DSG1: variants seen among roughly 807,000 people sequenced by gnomAD.
DSG1 encodes desmoglein-1.
In DSG1, 39 loss-of-function variants were observed where a neutral mutation model predicts 97.5. The ratio of observed to expected loss-of-function variants is 0.40; its 90% CI spans 0.31 to 0.52. DSG1 has a LOEUF of 0.52. Among genes scored for constraint, DSG1 ranks in the 20% least tolerant of loss-of-function variants. DSG1 has a pLI of 0.53. For missense variants in DSG1, 1,311 were observed against 1,295.4 expected, an observed-to-expected ratio of 1.01 and a Z score of -0.18; for synonymous variants, 475 against 443.4, an observed-to-expected ratio of 1.07 and a Z score of -0.90.
At chr18:31,351,929 C>A (rs1421574344) in intron 14 of DSG1, among the ~76,000 whole-genome samples, 1 of 151,232 alleles carries the variant, frequency 6.6e-6, no homozygotes, top group African/African-American at 2.4e-5. Context: ...ATCCAATTTG[C>A]CAGTCTGTGT....
At position 31,339,388 on chromosome 18, in the gene DSG1, T is replaced by C. The variant is rs190160689; in HGVS notation, c.1406-356T>C. ...GGACAAAAGATCATTTTTAAAAATA[T>C]CAGCAGGTGTCGTCCTTGGGTGCTG... On this transcript the variant is annotated intron_variant, in intron 10 of 14. Coordinates refer to ENST00000257192, the MANE Select transcript of DSG1 (RefSeq NM_001942.4). Among the ~76,000 whole-genome samples, 250 of 152,192 alleles carry C rather than the reference T, an allele frequency of 1.6e-3. 2 individuals carry two copies. Among genetic ancestry groups the C allele is most frequent in the Non-Finnish European group, 3.0e-3 (206 of 67,960 alleles).
chr18:31,347,898 C>T (rs914706665), intron 14 of DSG1: 1 of 151,266 alleles, frequency 6.6e-6, no homozygotes, highest in South Asian at 2.1e-4. Flanking sequence ...CAAAACAACA[C>T]ATTTTTATGT....
chr18:31,328,462 T>C lies in DSG1; in HGVS notation c.372+118T>C, dbSNP rs2071700362. The C allele has an allele frequency of 4.4e-5, 46 of 1,043,516 alleles. No individual in the cohort carries two copies. In the South Asian group the frequency reaches 6.2e-4, roughly 14 times the overall value. 64.6% of individuals were successfully genotyped at this position (1,043,516 alleles called of 1,614,324 possible). A position where few individuals can be genotyped will look rare whatever the true frequency, so the allele number is the denominator to read the frequency against. On this transcript the variant is annotated intron_variant, in intron 4 of 14. Coordinates refer to ENST00000257192, the MANE Select transcript of DSG1 (RefSeq NM_001942.4). ...CTCAATATTTGGCATTTTTGGTTGT[T>C]TCTTAATTCACGAGCATCCCACGAC...
At chr18:31,351,774 A>C (rs2071898714) in intron 14 of DSG1, among the ~76,000 whole-genome samples, 1 of 151,608 alleles carries the variant, frequency 6.6e-6, no homozygotes, top group Non-Finnish European at 1.5e-5. Flanking sequence ...CTGTTTTATC[A>C]GAGACTAGGA....
chr18:31,342,419 T>G (rs2071795826), intron 11 of DSG1, among the ~76,000 whole-genome samples: 1 of 152,128 alleles, frequency 6.6e-6, no homozygotes, highest in African/African-American at 2.4e-5. Flanking sequence ...CTCTCCCTTA[T>G]GTCTATCCTT....
chr18:31,325,361 G>A (rs559442490), intron 1 of DSG1, among the ~76,000 whole-genome samples: 1 of 152,310 alleles, frequency 6.6e-6, no homozygotes, highest in South Asian at 2.1e-4. Flanking sequence ...CGCAATAACA[G>A]ATAACAGATC....
At position 31,354,896 on chromosome 18, in the gene DSG1, A is replaced by C. The variant is rs1233909504; in HGVS notation, c.2700A>C (p.Ala900=). The C allele has an allele frequency of 6.2e-7, 1 of 1,614,208 alleles. No individual in the cohort carries two copies. The highest frequency in any genetic ancestry group is 1.7e-5 in the Admixed American group (1 of 60,024). ...SNVIVTERVI[A]PSSSLPTSLT... is the part of the protein sequence containing the mutation. ...TTATAGTGACAGAAAGGGTAATAGC[A>C]CCAAGCTCTAGTCTACCCACCTCTC... Residue 900 remains alanine, a synonymous_variant, in exon 15 of 15, where the codon GCA becomes GCC. Coordinates refer to ENST00000257192, the MANE Select transcript of DSG1 (RefSeq NM_001942.4).
Position 31,343,956 on chromosome 18 carries a change from C to T in DSG1, c.1852C>T (p.Pro618Ser). The change falls in exon 13 of 15, where the codon CCT becomes TCT. Residue 618 changes from proline (P) to serine (S), a missense_variant. By Grantham distance (74) the Pro-to-Ser change is moderately conservative (BLOSUM62 -1). Around this residue, in one of 3 missense-constraint regions of DSG1, gnomAD observed 1,038 missense variants for 964.6 expected, o/e 1.08. Coordinates refer to ENST00000257192, the MANE Select transcript of DSG1 (RefSeq NM_001942.4). Reference protein sequence around the residue: ...DITTVIPQIPPDNANIIECID... With the variant: ...DITTVIPQIPSDNANIIECID... ...AACCACTGTCATACCACAAATACCA[C>T]CTGATAACGCAAATATAATTGAATG... 3 of 1,613,196 alleles carry T rather than the reference C, an allele frequency of 1.9e-6. No individual in the cohort carries two copies. The highest frequency in any genetic ancestry group is 2.5e-6 in the Non-Finnish European group (3 of 1,179,422).
rs1013156799 is a variant in DSG1 at position 31,354,879 on chromosome 18, A to G, written c.2683A>G (p.Thr895Ala). 4 of 1,614,074 alleles carry G rather than the reference A, an allele frequency of 2.5e-6. No individual in the cohort carries two copies. Among genetic ancestry groups the G allele is most frequent in the Admixed American group, 1.7e-5 (1 of 60,000 alleles). ...DLRDGSNVIV[T>A]ERVIAPSSSL... is the part of the protein sequence containing the mutation. ...GCGAGATGGGTCGAATGTTATAGTG[A>G]CAGAAAGGGTAATAGCACCAAGCTC... Residue 895 changes from threonine (T) to alanine (A), a missense_variant, in exon 15 of 15, where the codon ACA (threonine) becomes GCA (alanine). By Grantham distance (58) the Thr-to-Ala change is moderately conservative. Transcript: ENST00000257192.
At chr18:31,336,805 G>A (rs544781076) in intron 9 of DSG1, among the ~76,000 whole-genome samples, 192 bp downstream of exon 9, 3 of 152,264 alleles carry the variant, frequency 2.0e-5, no homozygotes, top group East Asian at 3.9e-4. Flanking sequence ...CATGCAAGAT[G>A]TAAGATGTTA....
At chr18:31,318,751 G>A (rs1303034462) in intron 1 of DSG1, among the ~76,000 whole-genome samples, 1 of 150,636 alleles carries the variant, frequency 6.6e-6, no homozygotes, top group Non-Finnish European at 1.5e-5. Context: ...TGTGTGTTTG[G>A]TGGTGGAATT....
chr18:31,331,634 G>A (rs2071721441), intron 5 of DSG1, 67 bp from the exon 6 acceptor site: 2 of 1,466,638 alleles, frequency 1.4e-6, no homozygotes, highest in Admixed American at 1.8e-5. Flanking sequence ...TTTTTGGAAA[G>A]GTGATATACT....
intron 1 of DSG1, among the ~76,000 whole-genome samples, chr18:31,323,880 G>T (rs1433017166): frequency 3.4e-5 from 5 of 147,644 alleles, no homozygotes; most frequent in African/African-American, 1.3e-4. Flanking sequence ...CTGTCTTTCC[G>T]TTTTCCTTTT....
rs373419430 is a variant in DSG1 at position 31,322,485 on chromosome 18, T to C, written c.49-4096T>C. Among the ~76,000 whole-genome samples the C allele has an allele frequency of 2.6e-5, 4 of 152,228 alleles. No individual in the cohort carries two copies. In the South Asian group the frequency reaches 6.2e-4, roughly 24 times the overall value. ...GCCTTTAAAAGTCTTAATCTAGTGT[T>C]GGATCCACATAATACACATTCAGTA... On this transcript the variant is annotated intron_variant, in intron 1 of 14. Transcript: ENST00000257192.
At chr18:31,341,774 T>TTATTCA (rs59051439) in intron 11 of DSG1, among the ~76,000 whole-genome samples, 97,394 of 151,414 alleles carry the variant, frequency 0.64, 33,049 homozygotes, top group African/African-American at 0.83. Flanking sequence ...ATTCTCTCTG[T>TTATTCA]TATTTATTAC....
At chr18:31,328,409 A>C (rs2071700013) in intron 4 of DSG1, 65 bp downstream of exon 4, 24 of 1,502,088 alleles carry the variant, frequency 1.6e-5, no homozygotes, top group Non-Finnish European at 2.2e-5. Flanking sequence ...TCTTAATCTC[A>C]GATCATACTT....
intron 1 of DSG1, among the ~76,000 whole-genome samples, chr18:31,322,206 G>A (rs891307770): frequency 1.3e-5 from 2 of 152,204 alleles, no homozygotes; most frequent in African/African-American, 4.8e-5. Context: ...GGCAGGTTCT[G>A]TGTCTGATTT....
chr18:31,355,494 G>A lies in DSG1; in HGVS notation c.*148G>A. On this transcript the variant is annotated 3_prime_UTR_variant, in exon 15 of 15. Coordinates refer to ENST00000257192, the MANE Select transcript of DSG1 (RefSeq NM_001942.4). ...GAAATCACAATGAGAAAAATAAATGGAAACACCACTGCTAGGGGAGAGCTC... is the reference window on the plus strand; with the variant it reads ...GAAATCACAATGAGAAAAATAAATGAAAACACCACTGCTAGGGGAGAGCTC... The A allele has an allele frequency of 6.4e-6, 5 of 786,010 alleles. No individual in the cohort carries two copies. Among genetic ancestry groups the A allele is most frequent in the Non-Finnish European group, 1.1e-5 (5 of 472,846 alleles). The allele number at this position is 786,010 out of a possible 1,614,324, so 48.7% of individuals were successfully genotyped here.
At chr18:31,353,952 C>G (rs1010439050) in intron 14 of DSG1, 9 of 302,768 alleles carry the variant, frequency 3.0e-5, no homozygotes, top group Admixed American at 4.8e-5. Flanking sequence ...ACGCTGGGAG[C>G]TGTAGACCAG....
Sources: allele counts gnomAD v4.1 joint callset (sites outside exome capture counted in the v4.1 genomes callset), GRCh38; gene constraint gnomAD v4.1.1; regional missense constraint gnomAD v4.1.1; transcripts MANE v1.5; gene names NCBI Gene and HGNC (gene_info 2026-07-23, HGNC 2026-07-21).